The following NRG3 variants were observed in gnomAD, a reference collection of about 807,000 sequenced individuals.
NRG3 encodes neuregulin 3.
NRG3 carries 31 observed loss-of-function variants against 66.9 expected under a neutral mutation model. The ratio of observed to expected loss-of-function variants is 0.46; its 90% confidence interval spans 0.35 to 0.63. NRG3 has a LOEUF of 0.63. NRG3 is among the 20% of genes least tolerant of loss of function. The probability of loss-of-function intolerance (pLI) is 0.00; values close to 1 mark genes in which losing one functional copy is unlikely to be tolerated. For missense variants in NRG3, 910 were observed against 878.9 expected, an observed-to-expected ratio of 1.04 and a Z score of -0.45; for synonymous variants, 393 against 359.4, an observed-to-expected ratio of 1.09 and a Z score of -1.06.
rs559594183 is a variant in NRG3, at chr10:82,143,892, T to C, written c.824-214847T>C. Among the ~76,000 whole-genome samples, 6 of 152,108 alleles carry C rather than the reference T, an allele frequency of 3.9e-5. No homozygotes were observed. In the South Asian group the frequency reaches 1.2e-3, roughly 32 times the overall value. On this transcript the variant is annotated intron_variant, in intron 1 of 8. Transcript: ENST00000372141. ...AAAAAGTACAAAAATTAGCAGGGCA[T>C]GGTGGTGCACACCCGTAGTCCCAGT...
intron 3 of NRG3, among the ~76,000 whole-genome samples, chr10:82,853,922 C>T (rs541619779): frequency 6.6e-6 from 1 of 152,238 alleles, no homozygotes; most frequent in East Asian, 1.9e-4. Context: ...CAGTATGAAG[C>T]TGGCTGTAGG....
intron 2 of NRG3, among the ~76,000 whole-genome samples, chr10:82,709,630 C>T (rs971394078): frequency 2.2e-4 from 33 of 152,074 alleles, no homozygotes; most frequent in African/African-American, 8.0e-4. Flanking sequence ...CCCCCCGCCT[C>T]GGCCTCCCAA....
At chr10:82,881,164 T>C (rs973811896) in intron 4 of NRG3, among the ~76,000 whole-genome samples, 3 of 152,244 alleles carry the variant, frequency 2.0e-5, no homozygotes, top group Non-Finnish European at 2.9e-5. Context: ...TGCAAGCTCA[T>C]TGGTTCTGGG....
At chr10:82,102,756 G>T (rs1006324378) in intron 1 of NRG3, among the ~76,000 whole-genome samples, 1 of 151,586 alleles carries the variant, frequency 6.6e-6, no homozygotes, top group Non-Finnish European at 1.5e-5. Flanking sequence ...AAACAAAATC[G>T]GGATGCCTTC....
chr10:82,033,323 T>C (rs1033626135), intron 1 of NRG3, among the ~76,000 whole-genome samples: 1 of 152,136 alleles, frequency 6.6e-6, no homozygotes, highest in African/African-American at 2.4e-5. Flanking sequence ...AACACATTTT[T>C]CCCCTACAGT....
At chr10:82,731,600 C>CTT (rs34012765) in intron 2 of NRG3, among the ~76,000 whole-genome samples, 1 of 152,064 alleles carries the variant, frequency 6.6e-6, no homozygotes, top group Admixed American at 6.6e-5. Flanking sequence ...ACAGAATTTC[C>CTT]TTTTTTTCTC....
chr10:81,942,605 A>T (rs546071663), intron 1 of NRG3, among the ~76,000 whole-genome samples: 219 of 152,290 alleles, frequency 1.4e-3, no homozygotes, highest in South Asian at 7.5e-3. Context: ...CATTGTGAAG[A>T]TAAAGATTTC....
chr10:82,492,382 TA>T (rs1383115717), intron 2 of NRG3, among the ~76,000 whole-genome samples: 2 of 152,224 alleles, frequency 1.3e-5, no homozygotes, highest in African/African-American at 4.8e-5. Context: ...CTTGTCAGGA[TA>T]ATTATTTCTT....
intron 1 of NRG3, among the ~76,000 whole-genome samples, chr10:82,025,006 C>T (rs1469107148): frequency 6.6e-6 from 1 of 152,006 alleles, no homozygotes; most frequent in Non-Finnish European, 1.5e-5. Context: ...ATCAGTTGAA[C>T]ATGTTGTGAT....
intron 1 of NRG3, among the ~76,000 whole-genome samples, chr10:82,227,931 TTCC>T (rs1224426021): frequency 6.6e-6 from 1 of 152,160 alleles, no homozygotes; most frequent in Non-Finnish European, 1.5e-5. Flanking sequence ...TAATTTAAGT[TTCC>T]TCAAGTCTGA....
intron 1 of NRG3, among the ~76,000 whole-genome samples, chr10:82,184,575 A>G (rs2073675562): frequency 6.6e-6 from 1 of 152,198 alleles, no homozygotes; most frequent in Non-Finnish European, 1.5e-5. Flanking sequence ...TATATGTAAA[A>G]GAAACACATT....
chr10:82,299,289 T>A (rs74685402), intron 1 of NRG3, among the ~76,000 whole-genome samples: 3,009 of 152,300 alleles, frequency 0.02, 104 homozygotes, highest in African/African-American at 0.07. Context: ...ACATATTTAG[T>A]ACACCTAATC....
At chr10:82,665,187 T>C (rs1565180807) in intron 2 of NRG3, among the ~76,000 whole-genome samples, 1 of 152,202 alleles carries the variant, frequency 6.6e-6, no homozygotes, top group Non-Finnish European at 1.5e-5. Context: ...GGCTGATTTC[T>C]ATGTGCCCCT....
At chr10:82,091,482 A>G (rs1227756442) in intron 1 of NRG3, among the ~76,000 whole-genome samples, 1 of 152,020 alleles carries the variant, frequency 6.6e-6, no homozygotes, top group Non-Finnish European at 1.5e-5. Flanking sequence ...ATGTTCTAGC[A>G]TTTTTCAAGA....
At chr10:82,669,336 C>G (rs1349078598) in intron 2 of NRG3, among the ~76,000 whole-genome samples, 4 of 150,934 alleles carry the variant, frequency 2.7e-5, no homozygotes, top group African/African-American at 7.3e-5. Flanking sequence ...AAGACTAGTC[C>G]CAGTACTAAG....
rs1473177307 is a variant in NRG3, at chr10:82,408,081, G to GAAAGAA, written c.953+49214_953+49215insAAGAAA. On this transcript the variant is annotated intron_variant, in intron 2 of 8. Transcript: ENST00000372141. ...AGAGAGAGAGAGAGAGAGAGAGAGA[G>GAAAGAA]AGACAGAAAGAAAGAAAGAAAGAAA... Among the ~76,000 whole-genome samples the GAAAGAA allele has an allele frequency of 1.6e-4, 11 of 67,044 alleles. No homozygotes were observed. The East Asian group carries it at 2.1e-3, about 13-fold the overall frequency. The allele number at this position is 67,044 out of a possible 152,430, so 44.0% of individuals were successfully genotyped here.
intron 1 of NRG3, among the ~76,000 whole-genome samples, chr10:81,964,472 C>T (rs1228914235): frequency 6.6e-6 from 1 of 151,612 alleles, no homozygotes; most frequent in East Asian, 1.9e-4. Context: ...GCAACAAATT[C>T]CATCTCATGA....
At chr10:82,356,666 T>C (rs1255278495) in intron 1 of NRG3, among the ~76,000 whole-genome samples, 2 of 152,188 alleles carry the variant, frequency 1.3e-5, no homozygotes, top group Admixed American at 6.5e-5. Flanking sequence ...GCAATACCAA[T>C]AGTGGTTTAT....
intron 2 of NRG3, among the ~76,000 whole-genome samples, chr10:82,471,906 A>G (rs1397216576): frequency 2.7e-5 from 4 of 150,334 alleles, no homozygotes; most frequent in Non-Finnish European, 5.9e-5. Flanking sequence ...AAAAAAAATC[A>G]AGGTTTGTAT....
Sources: gnomAD v4.1 joint callset for allele counts (sites outside exome capture counted in the v4.1 genomes callset) on GRCh38, gnomAD v4.1.1 for gene constraint, MANE v1.5 for transcripts, NCBI Gene and HGNC (gene_info 2026-07-23, HGNC 2026-07-21) for gene names.